CNTN1: variants seen among roughly 807,000 people sequenced by gnomAD.
CNTN1 encodes contactin-1.
Under a neutral mutation model 126.4 loss-of-function variants are expected in CNTN1, and 38 were observed. The observed-to-expected ratio is 0.30, with a 90% CI of 0.23 to 0.39. The LOEUF (loss-of-function observed/expected upper bound fraction) is 0.39. Ranked by LOEUF, CNTN1 falls within the 10% of genes least tolerant of loss-of-function variation. The pLI is 1.00. For missense variants in CNTN1, 1,009 were observed against 1,248.4 expected (o/e 0.81, Z 2.89); for synonymous variants, 413 against 422.6 (o/e 0.98, Z 0.28).
chr12:40,814,946 C>T (rs985581021), intron 1 of CNTN1, among the ~76,000 whole-genome samples: 8 of 151,958 alleles, frequency 5.3e-5, no homozygotes, highest in Non-Finnish European at 1.2e-4. Flanking sequence ...GGTTGATTTT[C>T]TTTGAAGCAA....
intron 1 of CNTN1, among the ~76,000 whole-genome samples, chr12:40,703,650 GTTC>G (rs1941658063): frequency 6.6e-6 from 1 of 152,164 alleles, no homozygotes; most frequent in East Asian, 1.9e-4. Flanking sequence ...AAAGCTGCTT[GTTC>G]TTCAGTGAGA....
intron 1 of CNTN1, among the ~76,000 whole-genome samples, chr12:40,851,743 T>C (rs1942722296): frequency 6.6e-6 from 1 of 151,792 alleles, no homozygotes; most frequent in South Asian, 2.1e-4. Flanking sequence ...CTCTCAAATC[T>C]GCCTCCCCAA....
chr12:40,709,391 A>T (rs1941852937), intron 1 of CNTN1, among the ~76,000 whole-genome samples: 1 of 152,218 alleles, frequency 6.6e-6, no homozygotes, highest in African/African-American at 2.4e-5. Flanking sequence ...GAGCACAGGC[A>T]GAGTAGAGTT....
intron 1 of CNTN1, among the ~76,000 whole-genome samples, chr12:40,849,282 C>T (rs1034191917): frequency 1.3e-5 from 2 of 152,080 alleles, no homozygotes; most frequent in African/African-American, 4.8e-5. Flanking sequence ...GTAAATTTAA[C>T]ATTAGCAACA....
At chr12:40,924,430 C>T in intron 5 of CNTN1, 127 bp from the exon 6 acceptor site, 1 of 678,620 alleles carries the variant, frequency 1.5e-6, no homozygotes. Context: ...CTTTACTAGG[C>T]TTCACCAAAC....
chr12:40,985,603 C>T (rs1161993782), intron 16 of CNTN1, among the ~76,000 whole-genome samples: 1 of 152,146 alleles, frequency 6.6e-6, no homozygotes, highest in East Asian at 1.9e-4. Context: ...ATTCCCTGCA[C>T]TTGATATGTC....
intron 1 of CNTN1, among the ~76,000 whole-genome samples, chr12:40,907,695 C>T (rs1944882019): frequency 6.6e-6 from 1 of 152,188 alleles, no homozygotes; most frequent in African/African-American, 2.4e-5. Context: ...CCCCACAAAA[C>T]CTTGATTGTC....
intron 23 of CNTN1, 74 bp downstream of exon 23, chr12:41,029,293 G>A: frequency 1.3e-6 from 2 of 1,515,418 alleles, no homozygotes; most frequent in Non-Finnish European, 1.8e-6. Flanking sequence ...CCCAAGGGTA[G>A]GGATAAGCCT....
chr12:41,022,415 A>C (rs1436596973), intron 20 of CNTN1, among the ~76,000 whole-genome samples: 5 of 152,230 alleles, frequency 3.3e-5, no homozygotes, highest in Non-Finnish European at 7.3e-5. Context: ...ATGGGTTTAT[A>C]TTTCAGCTCT....
At chr12:40,749,877 G>A (rs1938335547) in intron 1 of CNTN1, among the ~76,000 whole-genome samples, 1 of 151,888 alleles carries the variant, frequency 6.6e-6, no homozygotes, top group African/African-American at 2.4e-5. Flanking sequence ...TAGGGTGTTA[G>A]GGATGAGGTT....
At chr12:40,692,841 T>C (rs1291105647) in intron 1 of CNTN1, among the ~76,000 whole-genome samples, 2 of 152,106 alleles carry the variant, frequency 1.3e-5, no homozygotes, top group Non-Finnish European at 2.9e-5. Context: ...AGAAGAGGGC[T>C]CCGAGCTCGG....
intron 15 of CNTN1, among the ~76,000 whole-genome samples, chr12:40,973,399 T>G (rs1445019391): frequency 6.6e-6 from 1 of 152,120 alleles, no homozygotes; most frequent in African/African-American, 2.4e-5. Flanking sequence ...AGAAGATGTC[T>G]CCTGCCCTAA....
At chr12:40,807,076 T>C (rs1394000704) in intron 1 of CNTN1, among the ~76,000 whole-genome samples, 1 of 151,982 alleles carries the variant, frequency 6.6e-6, no homozygotes, top group Non-Finnish European at 1.5e-5. Context: ...TGATAATTCA[T>C]ACAAAATAAT....
At chr12:40,964,523 T>A (rs1052152882) in intron 15 of CNTN1, among the ~76,000 whole-genome samples, 4 of 134,916 alleles carry the variant, frequency 3.0e-5, no homozygotes, top group Admixed American at 7.2e-5. Flanking sequence ...ACCGTGTAAG[T>A]GAGTGTGTGT....
intron 23 of CNTN1, among the ~76,000 whole-genome samples, chr12:41,032,317 G>A (rs1249915503): frequency 2.1e-5 from 3 of 142,490 alleles, no homozygotes; most frequent in South Asian, 4.3e-4. Flanking sequence ...GCAGTGAGCC[G>A]AAATCGCGCC....
At chr12:40,978,224 A>G (rs1276106139) in intron 15 of CNTN1, among the ~76,000 whole-genome samples, 1 of 152,132 alleles carries the variant, frequency 6.6e-6, no homozygotes, top group Non-Finnish European at 1.5e-5. Context: ...AGCTGAGTCT[A>G]TCTTAATTCT....
intron 17 of CNTN1, 54 bp from the exon 18 acceptor site, chr12:41,014,174 A>T: frequency 6.4e-7 from 1 of 1,558,298 alleles, no homozygotes; most frequent in South Asian, 1.1e-5. Context: ...CCAGGAAAAA[A>T]ATGCAGGCCC....
chr12:41,022,534 A>G (rs932328910), intron 20 of CNTN1, among the ~76,000 whole-genome samples: 28 of 152,230 alleles, frequency 1.8e-4, no homozygotes, highest in Admixed American at 3.9e-4. Flanking sequence ...GATATTAAAT[A>G]ACCTGTATTT....
chr12:40,888,055 C>T (rs1944108443), intron 1 of CNTN1, among the ~76,000 whole-genome samples: 1 of 151,030 alleles, frequency 6.6e-6, no homozygotes, highest in African/African-American at 2.4e-5. Context: ...AGGAGATATA[C>T]CTAATGCTAA....
Sources: gnomAD v4.1 joint callset for allele counts (sites outside exome capture counted in the v4.1 genomes callset) on GRCh38, gnomAD v4.1.1 for gene constraint, MANE v1.5 for transcripts, NCBI Gene and HGNC (gene_info 2026-07-23, HGNC 2026-07-21) for gene names.